Variants in ILKAP observed in about 807,000 individuals in gnomAD.
ILKAP encodes integrin-linked kinase-associated serine/threonine phosphatase 2C.
In ILKAP, 11 loss-of-function variants were observed where a neutral mutation model predicts 49.1. That is an observed-to-expected ratio of 0.22 (90% CI 0.14 to 0.37). ILKAP has a LOEUF of 0.37. ILKAP is among the 10% of genes least tolerant of loss of function. ILKAP has a pLI of 1.00. For synonymous variants in ILKAP, 186 were observed against 192.8 expected (o/e 0.96, Z 0.29); for missense variants, 363 against 510.8 (o/e 0.71, Z 2.79).
intron 1 of ILKAP, among the ~76,000 whole-genome samples, chr2:238,195,757 T>C (rs1429421284): frequency 1.3e-5 from 2 of 152,064 alleles, no homozygotes; most frequent in Admixed American, 6.6e-5. Context: ...AACGTGCTCA[T>C]TTACGCCAGG....
At chr2:238,199,166 G>T (rs1310891915) in intron 1 of ILKAP, among the ~76,000 whole-genome samples, 1 of 152,298 alleles carries the variant, frequency 6.6e-6, no homozygotes, top group Admixed American at 6.5e-5. Context: ...CTCTCCAACA[G>T]CCACACATGG....
intron 5 of ILKAP, chr2:238,186,633 T>C (rs1247119006): frequency 6.6e-6 from 1 of 152,156 alleles, no homozygotes; most frequent in Non-Finnish European, 1.5e-5. Context: ...ACTACTCTTA[T>C]TCCCATTCCC....
chr2:238,187,030 T>C (rs35776070), intron 5 of ILKAP: 42,141 of 152,108 alleles, frequency 0.28, 6,244 homozygotes, highest in South Asian at 0.37. Context: ...GGTGGGAAGA[T>C]GGCTTGAGCC....
At chr2:238,196,042 A>T (rs1694328867) in intron 1 of ILKAP, among the ~76,000 whole-genome samples, 1 of 80,762 alleles carries the variant, frequency 1.2e-5, no homozygotes, top group Admixed American at 1.4e-4. Context: ...AGACTCTGTC[A>T]CAAAAAAAAA....
intron 1 of ILKAP, among the ~76,000 whole-genome samples, chr2:238,199,419 A>G (rs550912243): frequency 1.3e-5 from 2 of 152,338 alleles, no homozygotes; most frequent in South Asian, 4.1e-4. Flanking sequence ...ACATTCACCA[A>G]TGTTACCAAC....
At chr2:238,197,644 TC>T (rs1348827633) in intron 1 of ILKAP, among the ~76,000 whole-genome samples, 2 of 152,148 alleles carry the variant, frequency 1.3e-5, no homozygotes, top group Non-Finnish European at 2.9e-5. Context: ...TGGCCGCCTC[TC>T]CTCTGGCTAC....
At chr2:238,173,111 G>A (rs559420528) in intron 10 of ILKAP, among the ~76,000 whole-genome samples, 4 of 152,254 alleles carry the variant, frequency 2.6e-5, no homozygotes, top group South Asian at 4.1e-4. Flanking sequence ...GCTGAGGGCC[G>A]GCCCTTCAGG....
chr2:238,203,457 T>C (rs1315142284), intron 1 of ILKAP, 42 bp downstream of exon 1: 8 of 1,186,412 alleles, frequency 6.7e-6, no homozygotes, highest in Non-Finnish European at 8.5e-6. Context: ...CCATCCCGCC[T>C]GCTCTCCCTT....
chr2:238,172,818 C>T (rs1376337759), intron 10 of ILKAP, among the ~76,000 whole-genome samples: 2 of 152,178 alleles, frequency 1.3e-5, no homozygotes, highest in South Asian at 2.1e-4. Flanking sequence ...ATCCTGCTTC[C>T]GGGAGCTTTC....
chr2:238,176,051 A>C (rs1693438858), intron 9 of ILKAP, among the ~76,000 whole-genome samples: 1 of 151,872 alleles, frequency 6.6e-6, no homozygotes, highest in Admixed American at 6.6e-5. Context: ...TCAAAGTTCA[A>C]ACAAACTGCC....
intron 2 of ILKAP, 32 bp from the exon 3 acceptor site, chr2:238,194,363 C>CA (rs1297543075): frequency 1.2e-6 from 2 of 1,605,346 alleles, no homozygotes; most frequent in Non-Finnish European, 8.5e-7. Context: ...AGTGAGCCCA[C>CA]AAAAAATATG....
chr2:238,170,662 C>A lies in ILKAP; in HGVS notation c.1053G>T (p.Gln351His). The change falls in exon 12 of 12, where the codon CAG becomes CAT. Residue 351 changes from glutamine to histidine, a missense_variant. This residue lies in a region of ILKAP where 83 missense variants were observed against 87.5 expected (regional missense o/e 0.95). Coordinates refer to ENST00000254654, the MANE Select transcript of ILKAP (RefSeq NM_030768.3). ...CGGCTGCGGACTTCCCTTCCCGGGT[C>A]TGGATCTTTTCATCCTACCAGATGA... is the stretch of plus-strand genomic sequence containing the variant. ...ILSCLEDEKI[Q>H]TREGKSAADA... The A allele has an allele frequency of 6.3e-7, 1 of 1,596,746 alleles. No individual in the cohort carries two copies. Among genetic ancestry groups the A allele is most frequent in the South Asian group, 1.1e-5 (1 of 90,328 alleles).
chr2:238,191,276 A>C (rs34072650), intron 3 of ILKAP, among the ~76,000 whole-genome samples: 42,038 of 151,804 alleles, frequency 0.28, 6,214 homozygotes, highest in South Asian at 0.37. Context: ...AGCCTACAGG[A>C]GTGCACCATC....
chr2:238,188,319 TC>T, intron 4 of ILKAP, 62 bp from the exon 5 acceptor site: 1 of 1,571,462 alleles, frequency 6.4e-7, no homozygotes, highest in Non-Finnish European at 8.6e-7. Flanking sequence ...GAAACCCTAG[TC>T]CCAGAGCAAA....
At chr2:238,202,710 G>A (rs1042383193) in intron 1 of ILKAP, among the ~76,000 whole-genome samples, 3 of 152,094 alleles carry the variant, frequency 2.0e-5, no homozygotes, top group Non-Finnish European at 2.9e-5. Context: ...CGTTTTGACA[G>A]ATGAAACCCG....
At chr2:238,175,321 T>A (rs1322479884) in intron 9 of ILKAP, among the ~76,000 whole-genome samples, 1 of 152,174 alleles carries the variant, frequency 6.6e-6, no homozygotes, top group Admixed American at 6.5e-5. Context: ...CTTAAACAAT[T>A]AGCCTCAAGC....
At chr2:238,193,662 G>T (rs940983410) in intron 3 of ILKAP, among the ~76,000 whole-genome samples, 33 of 152,274 alleles carry the variant, frequency 2.2e-4, no homozygotes, top group African/African-American at 7.5e-4. Context: ...TAAGATGACT[G>T]GAGTACTTTT....
At chr2:238,171,336 T>C (rs1458598492) in intron 10 of ILKAP, among the ~76,000 whole-genome samples, 15 of 152,064 alleles carry the variant, frequency 9.9e-5, no homozygotes, top group Admixed American at 9.8e-4. Context: ...ATTTTTTGTA[T>C]TTTTAGTAGA....
Position 238,170,638 on chromosome 2 carries a change from G to T in ILKAP, c.1077C>A (p.Ala359=), listed in dbSNP as rs528876318. Residue 359 remains alanine, a synonymous_variant, in exon 12 of 12, where the codon GCC becomes GCA. Coordinates refer to ENST00000254654, the MANE Select transcript of ILKAP (RefSeq NM_030768.3). The part of the protein sequence containing the change: ...KIQTREGKSA[A]DARYEAACNR... ...TGCAGGCTGCTTCGTAGCGGGCGTC[G>T]GCTGCGGACTTCCCTTCCCGGGTCT... The T allele has an allele frequency of 1.2e-6, 2 of 1,600,834 alleles. No individual in the cohort carries two copies. Among genetic ancestry groups the T allele is most frequent in the East Asian group, 2.2e-5 (1 of 44,534 alleles).
Sources: allele counts gnomAD v4.1 joint callset (sites outside exome capture counted in the v4.1 genomes callset), GRCh38; gene constraint gnomAD v4.1.1; regional missense constraint gnomAD v4.1.1; transcripts MANE v1.5; gene names NCBI Gene and HGNC (gene_info 2026-07-23, HGNC 2026-07-21).